The following IFT81 variants were observed in gnomAD, a reference collection of about 807,000 sequenced individuals.
IFT81 encodes intraflagellar transport protein 81 homolog.
IFT81 carries 72 observed loss-of-function variants against 102.6 expected under a neutral mutation model. The ratio of observed to expected loss-of-function variants is 0.70; its 90% CI spans 0.58 to 0.85. IFT81 has a LOEUF of 0.85. Ranked by LOEUF, IFT81 falls within the 40% of genes least tolerant of loss-of-function variation. The pLI, the probability that IFT81 is intolerant of heterozygous loss-of-function variation, is 0.00. For missense variants in IFT81, 723 were observed against 787.3 expected, an observed-to-expected ratio of 0.92 and a Z score of 0.98; for synonymous variants, 237 against 242.7, an observed-to-expected ratio of 0.98 and a Z score of 0.22.
chr12:110,178,247 C>T (rs192905586), intron 11 of IFT81, among the ~76,000 whole-genome samples: 2 of 152,096 alleles, frequency 1.3e-5, no homozygotes, highest in Admixed American at 1.3e-4. Flanking sequence ...AACCCCGTCT[C>T]TACTAAAAAT....
intron 12 of IFT81, among the ~76,000 whole-genome samples, chr12:110,182,249 C>T (rs1198978106): frequency 6.6e-6 from 1 of 152,170 alleles, no homozygotes; most frequent in Non-Finnish European, 1.5e-5. Context: ...ATTTACTCCA[C>T]CCAGCTATAG....
intron 11 of IFT81, among the ~76,000 whole-genome samples, chr12:110,176,633 A>C (rs1897046252): frequency 1.3e-5 from 2 of 152,198 alleles, no homozygotes; most frequent in African/African-American, 4.8e-5. Context: ...TGGAAGAAAA[A>C]ACATTGATAA....
At chr12:110,217,902 G>A in intron 18 of IFT81, 142 bp from the exon 19 acceptor site, 1 of 599,532 alleles carries the variant, frequency 1.7e-6, no homozygotes, top group Non-Finnish European at 2.8e-6. Flanking sequence ...TATAATCTTA[G>A]TTTTGGTACA....
intron 14 of IFT81, among the ~76,000 whole-genome samples, chr12:110,194,465 A>G (rs1411257148): frequency 6.6e-6 from 1 of 151,920 alleles, no homozygotes; most frequent in African/African-American, 2.4e-5. Context: ...TTAAGTAGAG[A>G]TGGGGTCTGC....
intron 10 of IFT81, among the ~76,000 whole-genome samples, chr12:110,154,326 CAA>C (rs781002575): frequency 1.4e-4 from 18 of 132,226 alleles, no homozygotes; most frequent in Admixed American, 1.5e-4. Flanking sequence ...GACACTATCT[CAA>C]AAAAAAAAAA....
At chr12:110,185,574 A>G (rs1228358084) in intron 12 of IFT81, among the ~76,000 whole-genome samples, 1 of 151,904 alleles carries the variant, frequency 6.6e-6, no homozygotes, top group East Asian at 1.9e-4. Flanking sequence ...TCCTTCCCAT[A>G]TTTAGTGCTA....
intron 11 of IFT81, among the ~76,000 whole-genome samples, chr12:110,179,104 C>G (rs1897174714): frequency 6.6e-6 from 1 of 151,952 alleles, no homozygotes; most frequent in African/African-American, 2.4e-5. Flanking sequence ...ATATTCTTAG[C>G]TTTTTAACAT....
chr12:110,141,071 C>A (rs558790713), intron 8 of IFT81, among the ~76,000 whole-genome samples: 11 of 151,978 alleles, frequency 7.2e-5, no homozygotes, highest in African/African-American at 2.7e-4. Context: ...GTTGCCCAGG[C>A]TAGAGTGCAA....
intron 14 of IFT81, among the ~76,000 whole-genome samples, chr12:110,197,617 C>CTCCACAA (rs1250279070): frequency 6.8e-6 from 1 of 146,212 alleles, no homozygotes; most frequent in East Asian, 2.0e-4. Flanking sequence ...TTGTTAACAT[C>CTCCACAA]TCCACAATAC....
chr12:110,212,919 A>G (rs894652257), intron 18 of IFT81, among the ~76,000 whole-genome samples: 3 of 152,088 alleles, frequency 2.0e-5, no homozygotes, highest in African/African-American at 7.2e-5. Flanking sequence ...CCATCATCCA[A>G]CTCTAATCAT....
intron 8 of IFT81, among the ~76,000 whole-genome samples, chr12:110,142,301 G>A (rs1338834242): frequency 6.6e-6 from 1 of 152,064 alleles, no homozygotes; most frequent in Non-Finnish European, 1.5e-5. Flanking sequence ...CCAAGTAGCT[G>A]AGACTACAGG....
intron 18 of IFT81, among the ~76,000 whole-genome samples, chr12:110,213,229 C>T (rs1015004870): frequency 6.6e-6 from 1 of 152,070 alleles, no homozygotes; most frequent in Non-Finnish European, 1.5e-5. Context: ...TCTTAAGTCT[C>T]TCTTTCTCCA....
At chr12:110,155,872 G>A (rs1341732620) in intron 10 of IFT81, among the ~76,000 whole-genome samples, 9 of 151,972 alleles carry the variant, frequency 5.9e-5, no homozygotes, top group Non-Finnish European at 8.8e-5. Flanking sequence ...TTACCATGGG[G>A]ATTACATCCT....
intron 14 of IFT81, among the ~76,000 whole-genome samples, chr12:110,196,507 G>A (rs1007673124): frequency 3.9e-5 from 6 of 152,124 alleles, no homozygotes; most frequent in Admixed American, 3.3e-4. Flanking sequence ...GTGACAGAGC[G>A]AGACTCCGTC....
intron 14 of IFT81, chr12:110,203,649 AC>A: frequency 1.8e-6 from 1 of 545,598 alleles, no homozygotes; most frequent in Non-Finnish European, 3.3e-6. Flanking sequence ...CTAACAAAGA[AC>A]CTGGCACACA....
chr12:110,145,443 G>GT lies in IFT81; in HGVS notation c.946-1497dup, dbSNP rs111355149. 9.8e-3 allele frequency among the ~76,000 whole-genome samples: 1,355 copies of GT among 137,608 alleles called. 14 individuals carry two copies. Among genetic ancestry groups the GT allele is most frequent in the African/African-American group, 0.023 (869 of 37,642 alleles). 90.3% of individuals were successfully genotyped at this position (137,608 alleles called of 152,430 possible). A position where few individuals can be genotyped will look rare whatever the true frequency, so the allele number is the denominator to read the frequency against. On this transcript the variant is annotated intron_variant, in intron 9 of 18. Transcript: ENST00000242591. ...AATTCTGACTGTTTTGGTTTTTTTT[G>GT]TTTTTTTTTTTTTGAGATGGAGTGT...
At chr12:110,207,848 C>T (rs1382191381) in intron 17 of IFT81, among the ~76,000 whole-genome samples, 4 of 152,124 alleles carry the variant, frequency 2.6e-5, no homozygotes, top group Admixed American at 6.6e-5. Flanking sequence ...CTTAACATGT[C>T]ACCTGCTTTA....
Position 110,129,113 on chromosome 12 carries a change from G to T in IFT81, c.412G>T (p.Ala138Ser), listed in dbSNP as rs776425315. 4.4e-6 allele frequency: 7 copies of T among 1,597,534 alleles called. No individual in the cohort carries two copies. The highest frequency in any genetic ancestry group is 3.3e-4 in the Middle Eastern group (2 of 6,012). The part of the protein sequence containing the change: ...PSEFLQDETV[A>S]DTNKQYEELM... The stretch of plus-strand genomic sequence containing the variant: ...TGAGTTTCTTCAGGATGAAACTGTG[G>T]CTGACACCAATAAACAGGTAAACAA... Residue 138 changes from alanine (A) to serine (S), a missense_variant, in exon 4 of 19, where the codon GCT becomes TCT. Physicochemically the swap from Ala to Ser is moderately conservative, Grantham distance 99. Coordinates refer to ENST00000242591, the MANE Select transcript of IFT81 (RefSeq NM_014055.4).
chr12:110,169,019 T>TCCTC (rs1375729418), intron 11 of IFT81: 18 of 137,458 alleles, frequency 1.3e-4, no homozygotes, highest in South Asian at 4.9e-4. Context: ...TTCTTTTCCT[T>TCCTC]CCTCCCTTCC....
Sources: gnomAD v4.1 joint callset for allele counts (sites outside exome capture counted in the v4.1 genomes callset) on GRCh38, gnomAD v4.1.1 for gene constraint, MANE v1.5 for transcripts, NCBI Gene and HGNC (gene_info 2026-07-23, HGNC 2026-07-21) for gene names.